MGAT4C: variants seen among roughly 807,000 people sequenced by gnomAD.
MGAT4C encodes alpha-1,3-mannosyl-glycoprotein 4-beta-N-acetylglucosaminyltransferase C.
MGAT4C carries 19 observed loss-of-function variants against 40.1 expected under a neutral mutation model. The ratio of observed to expected loss-of-function variants is 0.47; its 90% CI spans 0.33 to 0.70. MGAT4C has a LOEUF of 0.70. Among genes scored for constraint, MGAT4C ranks in the 30% least tolerant of loss-of-function variants. The pLI is 0.02. For synonymous variants in MGAT4C, 181 were observed against 187.1 expected (o/e 0.97, Z 0.27); for missense variants, 491 against 563.2 (o/e 0.87, Z 1.30).
intron 3 of MGAT4C, among the ~76,000 whole-genome samples, chr12:86,348,160 G>A (rs185996337): frequency 1.5e-3 from 225 of 152,092 alleles, no homozygotes; most frequent in African/African-American, 4.8e-3. Flanking sequence ...CTTATTGTTC[G>A]AAATCATTCC....
intron 2 of MGAT4C, among the ~76,000 whole-genome samples, chr12:86,023,201 T>C (rs2136873332): frequency 2.0e-5 from 3 of 152,282 alleles, no homozygotes; most frequent in Middle Eastern, 3.4e-3. Flanking sequence ...GGAAATGTTA[T>C]GTTATTGTTC....
rs541584872 is a variant in MGAT4C at position 86,672,953 on chromosome 12, CTT to C, written c.-229+54254_-229+54255del. The stretch of plus-strand genomic sequence containing the variant: ...TAAAAAGAAAGAAAAATAAAGCAAT[CTT>C]AGGTTCTTGGGGGATATATTAAAAT... On this transcript the variant is annotated intron_variant, in intron 2 of 7. Transcript: ENST00000548651. Among the ~76,000 whole-genome samples, 612 of 151,922 alleles carry C rather than the reference CTT, an allele frequency of 4.0e-3. 3 individuals carry two copies. The highest frequency in any genetic ancestry group is 7.3e-3 in the Non-Finnish European group (495 of 67,954).
intron 1 of MGAT4C, among the ~76,000 whole-genome samples, chr12:86,054,944 G>A (rs375587923): frequency 7.6e-4 from 116 of 151,926 alleles, no homozygotes; most frequent in African/African-American, 2.6e-3. Context: ...TCCTTGAAAC[G>A]GTTTCCCTTT....
At chr12:86,178,301 A>G (rs556301774) in intron 1 of MGAT4C, among the ~76,000 whole-genome samples, 4 of 152,362 alleles carry the variant, frequency 2.6e-5, no homozygotes, top group African/African-American at 9.6e-5. Flanking sequence ...TGAAAATAAA[A>G]TGAAATTATA....
At chr12:86,070,358 C>T (rs1385109566) in intron 1 of MGAT4C, among the ~76,000 whole-genome samples, 1 of 151,818 alleles carries the variant, frequency 6.6e-6, no homozygotes, top group African/African-American at 2.4e-5. Context: ...TTTATAAAAA[C>T]AGTAATCTTT....
chr12:86,339,886 T>C (rs999893176), intron 3 of MGAT4C, among the ~76,000 whole-genome samples: 1 of 152,210 alleles, frequency 6.6e-6, no homozygotes, highest in Non-Finnish European at 1.5e-5. Flanking sequence ...GGTAGCTCTT[T>C]CTTATGTTTC....
chr12:86,021,018 C>G (rs1889669834), intron 2 of MGAT4C, among the ~76,000 whole-genome samples: 1 of 152,106 alleles, frequency 6.6e-6, no homozygotes, highest in African/African-American at 2.4e-5. Flanking sequence ...GAGAGAAATG[C>G]AAATCAAAAC....
chr12:85,982,662 C>A (rs1295399726), intron 4 of MGAT4C, among the ~76,000 whole-genome samples: 2 of 152,054 alleles, frequency 1.3e-5, no homozygotes, highest in Non-Finnish European at 2.9e-5. Context: ...CTTCTTGGCT[C>A]CAAATATATT....
chr12:86,107,630 T>A (rs574488534), intron 1 of MGAT4C, among the ~76,000 whole-genome samples: 1 of 152,304 alleles, frequency 6.6e-6, no homozygotes, highest in Non-Finnish European at 1.5e-5. Flanking sequence ...CAACATCTCA[T>A]GTATTTTTGG....
At chr12:86,799,399 A>G (rs1330609238) in intron 1 of MGAT4C, among the ~76,000 whole-genome samples, 6 of 151,868 alleles carry the variant, frequency 4.0e-5, no homozygotes, top group African/African-American at 1.4e-4. Context: ...TTAAAATCTC[A>G]GTTTTAGGAA....
intron 1 of MGAT4C, among the ~76,000 whole-genome samples, chr12:86,064,542 A>G (rs1281788021): frequency 6.6e-6 from 1 of 152,250 alleles, no homozygotes; most frequent in Non-Finnish European, 1.5e-5. Flanking sequence ...ACGTACCAGA[A>G]TCTCTGAGAC....
chr12:86,373,969 T>C (rs1467264281), intron 3 of MGAT4C, among the ~76,000 whole-genome samples: 1 of 152,084 alleles, frequency 6.6e-6, no homozygotes, highest in African/African-American at 2.4e-5. Flanking sequence ...AAATATACTT[T>C]GAATGTGTAC....
intron 2 of MGAT4C, among the ~76,000 whole-genome samples, chr12:86,594,564 CT>C (rs1961459101): frequency 6.6e-6 from 1 of 152,102 alleles, no homozygotes; most frequent in Non-Finnish European, 1.5e-5. Context: ...AGAAAAACTG[CT>C]GAGAAGAACA....
chr12:86,796,047 G>C (rs1228413088), intron 1 of MGAT4C, among the ~76,000 whole-genome samples: 1 of 151,838 alleles, frequency 6.6e-6, no homozygotes, highest in African/African-American at 2.4e-5. Context: ...ATCCTTTGCT[G>C]AGCTGAACCT....
At chr12:86,606,835 G>A (rs1488650131) in intron 2 of MGAT4C, among the ~76,000 whole-genome samples, 2 of 152,032 alleles carry the variant, frequency 1.3e-5, no homozygotes, top group African/African-American at 4.8e-5. Context: ...TTTGGTTTTT[G>A]TTCAAATTAT....
chr12:86,072,577 T>C (rs973723973), intron 1 of MGAT4C, among the ~76,000 whole-genome samples: 1 of 152,084 alleles, frequency 6.6e-6, no homozygotes, highest in Non-Finnish European at 1.5e-5. Context: ...ACCTCATATA[T>C]TTTAAACAAC....
chr12:86,164,759 C>G (rs929991885), intron 1 of MGAT4C, among the ~76,000 whole-genome samples: 5 of 152,012 alleles, frequency 3.3e-5, no homozygotes, highest in African/African-American at 1.2e-4. Flanking sequence ...GCTACTGTTG[C>G]AGAGTGTGAG....
At chr12:86,142,279 CCA>C (rs1882942877) in intron 1 of MGAT4C, among the ~76,000 whole-genome samples, 1 of 152,120 alleles carries the variant, frequency 6.6e-6, no homozygotes, top group African/African-American at 2.4e-5. Context: ...GAAAATCAAG[CCA>C]ATATAGCACA....
At chr12:86,463,320 G>C (rs1957629796) in intron 2 of MGAT4C, among the ~76,000 whole-genome samples, 1 of 151,994 alleles carries the variant, frequency 6.6e-6, no homozygotes, top group Non-Finnish European at 1.5e-5. Context: ...TCTTTTGCTT[G>C]GGATCTTATC....
Sources: gnomAD v4.1 joint callset for allele counts (sites outside exome capture counted in the v4.1 genomes callset) on GRCh38, gnomAD v4.1.1 for gene constraint, MANE v1.5 for transcripts, NCBI Gene and HGNC (gene_info 2026-07-23, HGNC 2026-07-21) for gene names.